The following PAGE2B variants were observed in gnomAD, a reference collection of about 807,000 sequenced individuals.
The protein encoded by PAGE2B is PAGE family member 2B, also known as putative G antigen family E member 3.
In PAGE2B, 5 loss-of-function variants were observed where a neutral mutation model predicts 7.6. The observed-to-expected ratio is 0.66, with a 90% CI of 0.34 to 1.38. PAGE2B has a LOEUF of 1.38. Ranked by LOEUF, PAGE2B falls within the 40% of genes most tolerant of loss-of-function variation. PAGE2B has a pLI of 0.04. For synonymous variants in PAGE2B, 29 were observed against 26.7 expected (o/e 1.09, Z -0.27); for missense variants, 70 against 78.4 (o/e 0.89, Z 0.41).
At chrX:55,074,792 A>C (rs1365249646), upstream of PAGE2B, among the ~76,000 whole-genome samples, 11 of 112,615 alleles carry the variant, frequency 9.8e-5, no homozygotes, top group East Asian at 2.8e-4. Flanking sequence ...TATTCTCCAA[A>C]GCCACTGGAA....
chrX:55,055,905 CAAA>C, the PAGE2B span: 151 of 101,850 alleles, frequency 1.5e-3, 1 homozygote, highest in East Asian at 2.8e-3. Flanking sequence ...TCATGGAAGC[CAAA>C]AAAAAAAAAA....
upstream of PAGE2B, among the ~76,000 whole-genome samples, chrX:55,072,516 C>T (rs754649378): frequency 7.3e-4 from 82 of 112,620 alleles, 1 homozygote; most frequent in African/African-American, 2.3e-3. Context: ...CTCTCCAAGT[C>T]AGGAGGCACA....
the PAGE2B span, chrX:55,055,686 CCTT>C: frequency 1.6e-5 from 2 of 128,010 alleles, no homozygotes; most frequent in African/African-American, 6.5e-5. Context: ...TACTCTATCA[CCTT>C]CTTCCTCATT....
the PAGE2B span, among the ~76,000 whole-genome samples, chrX:55,050,021 T>G: frequency 1.1e-4 from 12 of 112,296 alleles, no homozygotes; most frequent in African/African-American, 3.6e-4. Context: ...TTGTTCTCAT[T>G]GGTTTCAAAG....
intron 3 of PAGE2B, 142 bp downstream of exon 3, chrX:55,076,819 G>T: frequency 1.6e-6 from 1 of 606,725 alleles, no homozygotes; most frequent in Non-Finnish European, 2.5e-6. Context: ...GTGGAGGGGT[G>T]GGACAAGGAC....
At chrX:55,059,532 T>G in the PAGE2B span, among the ~76,000 whole-genome samples, 1 of 111,789 alleles carries the variant, frequency 8.9e-6, no homozygotes, top group Non-Finnish European at 1.9e-5. Context: ...GAGGTGTAAC[T>G]TGATGTTTTG....
At chrX:55,073,657 T>C (rs1311111180), upstream of PAGE2B, among the ~76,000 whole-genome samples, 2 of 112,446 alleles carry the variant, frequency 1.8e-5, no homozygotes, top group East Asian at 5.6e-4. Flanking sequence ...TGCTTCTTCC[T>C]GTTCACGAGC....
the PAGE2B span, among the ~76,000 whole-genome samples, chrX:55,032,415 A>G: frequency 9.0e-6 from 1 of 110,884 alleles, no homozygotes; most frequent in African/African-American, 3.3e-5. Context: ...GTGTCTTTTC[A>G]TGTTTCTTTA....
the PAGE2B span, among the ~76,000 whole-genome samples, chrX:55,033,241 G>T: frequency 9.0e-6 from 1 of 111,728 alleles, no homozygotes; most frequent in Non-Finnish European, 1.9e-5. Context: ...AATCTACTGA[G>T]GTTAACAAAC....
intron 1 of PAGE2B, 83 bp from the exon 2 acceptor site, chrX:55,075,951 A>G: frequency 1.1e-6 from 1 of 936,824 alleles, no homozygotes; most frequent in East Asian, 3.3e-5. Flanking sequence ...AAAAAAATAC[A>G]AATCACCATT....
chrX:55,048,754 A>G, the PAGE2B span, among the ~76,000 whole-genome samples: 5 of 111,602 alleles, frequency 4.5e-5, no homozygotes, highest in African/African-American at 1.6e-4. Flanking sequence ...TCTGCAAACA[A>G]GGACAACTTG....
chrX:55,037,802 CAA>C, the PAGE2B span, among the ~76,000 whole-genome samples: 1 of 103,834 alleles, frequency 9.6e-6, no homozygotes, highest in African/African-American at 3.5e-5. Flanking sequence ...ATCACAAGGA[CAA>C]AAAACCAAAC....
At chrX:55,059,371 G>A in the PAGE2B span, among the ~76,000 whole-genome samples, 5 of 111,385 alleles carry the variant, frequency 4.5e-5, no homozygotes, top group African/African-American at 1.6e-4. Flanking sequence ...CCACCTAAAG[G>A]TTTCGTTTTT....
chrX:55,049,973 C>A, the PAGE2B span, among the ~76,000 whole-genome samples: 1 of 112,142 alleles, frequency 8.9e-6, no homozygotes. Flanking sequence ...CTACACACTG[C>A]TTTGAATGTG....
At chrX:55,030,944 G>A in the PAGE2B span, 1 of 342,155 alleles carries the variant, frequency 2.9e-6, no homozygotes, top group African/African-American at 2.6e-5. Flanking sequence ...GCTCTTACCT[G>A]TTGCCCTGCA....
At chrX:55,043,299 G>A in the PAGE2B span, among the ~76,000 whole-genome samples, 8,726 of 111,331 alleles carry the variant, frequency 0.078, 801 homozygotes, top group African/African-American at 0.26. Flanking sequence ...ATGACCAAGT[G>A]CCCAAAAGCA....
chrX:55,037,692 C>A, the PAGE2B span, among the ~76,000 whole-genome samples: 1 of 110,484 alleles, frequency 9.1e-6, no homozygotes, highest in African/African-American at 3.3e-5. Flanking sequence ...GAAAATGTGG[C>A]ACATATACAC....
chrX:55,059,251 T>C, the PAGE2B span, among the ~76,000 whole-genome samples: 2 of 111,477 alleles, frequency 1.8e-5, no homozygotes, highest in Non-Finnish European at 3.8e-5. Context: ...ATAGTCACCT[T>C]CTCACTGTGT....
chrX:55,038,004 A>T, the PAGE2B span, among the ~76,000 whole-genome samples: 13 of 109,408 alleles, frequency 1.2e-4, no homozygotes, highest in Non-Finnish European at 2.3e-4. Flanking sequence ...ATACATATGT[A>T]ACAAACCTGC....
Sources: gnomAD v4.1 joint callset for allele counts (sites outside exome capture counted in the v4.1 genomes callset) on GRCh38, gnomAD v4.1.1 for gene constraint, MANE v1.5 for transcripts, NCBI Gene and HGNC (gene_info 2026-07-23, HGNC 2026-07-21) for gene names.